MAP2: variants seen among roughly 807,000 people sequenced by gnomAD.
MAP2 encodes microtubule associated protein 2, also known as microtubule-associated protein 2.
MAP2 carries 14 observed loss-of-function variants against 137.6 expected under a neutral mutation model. That is an observed-to-expected ratio of 0.10 (90% CI 0.07 to 0.16). The LOEUF is 0.16. Among genes scored for constraint, MAP2 ranks in the 10% least tolerant of loss-of-function variants. The pLI is 1.00. For synonymous variants in MAP2, 786 were observed against 782.3 expected (o/e 1.00, Z -0.08); for missense variants, 2,088 against 2,191.5 (o/e 0.95, Z 0.94).
intron 4 of MAP2, among the ~76,000 whole-genome samples, chr2:209,626,823 G>A (rs972898312): frequency 3.3e-5 from 5 of 152,034 alleles, no homozygotes; most frequent in African/African-American, 9.7e-5. Context: ...TAATCTTCTG[G>A]TGCCTAGTAT....
Position 209,678,574 on chromosome 2 carries a change from G to T in MAP2, c.265G>T (p.Glu89Ter). ...LTSADRETAE[E>*]VSARIVQVVT... is the part of the protein sequence containing the mutation. Reference sequence around the variant, plus strand: ...TATTTTGTTACTGTTTATTACAGAGGAGGTGTCTGCAAGGATAGTTCAAGT... The same window carrying T: ...TATTTTGTTACTGTTTATTACAGAGTAGGTGTCTGCAAGGATAGTTCAAGT... The change falls in exon 6 of 16, where the codon GAG (glutamate) becomes TAG (stop). Residue 89 changes from glutamate (E) to a stop codon, truncating the protein, a stop_gained and splice_region_variant. Transcript: ENST00000682079. LOFTEE classifies it high-confidence loss of function. 1 of 1,513,192 alleles carries T rather than the reference G, an allele frequency of 6.6e-7. No homozygotes were observed. The highest frequency in any genetic ancestry group is 9.0e-7 in the Non-Finnish European group (1 of 1,110,416). 93.7% of individuals were successfully genotyped at this position (1,513,192 alleles called of 1,614,324 possible). A position where few individuals can be genotyped will look rare whatever the true frequency, so the allele number is the denominator to read the frequency against.
At chr2:209,651,201 T>G (rs1245887888) in intron 4 of MAP2, among the ~76,000 whole-genome samples, 1 of 152,080 alleles carries the variant, frequency 6.6e-6, no homozygotes, top group African/African-American at 2.4e-5. Context: ...CAGAATGGTT[T>G]TTATAAAAAG....
chr2:209,579,186 T>A (rs930117225), intron 2 of MAP2: 1 of 152,136 alleles, frequency 6.6e-6, no homozygotes, highest in African/African-American at 2.4e-5. Flanking sequence ...TAGTATTTAG[T>A]CATGTCCAGT....
In MAP2 at chr2:209,668,691, C is replaced by T. The variant is rs1473513177; in HGVS notation, c.263-9881C>T. The stretch of plus-strand genomic sequence containing the variant: ...TTTGCAAAGTCTGTTGATTTTGCTA[C>T]GTACAGGTCTGGCAAAAAGTATTTT... On this transcript the variant is annotated intron_variant, in intron 5 of 15. Transcript: ENST00000682079. Among the ~76,000 whole-genome samples, 5 of 152,086 alleles carry T rather than the reference C, an allele frequency of 3.3e-5. No homozygotes were observed. In the East Asian group the frequency reaches 5.8e-4, roughly 18 times the overall value.
At chr2:209,527,518 A>G (rs2150498509) in intron 2 of MAP2, among the ~76,000 whole-genome samples, 1 of 152,156 alleles carries the variant, frequency 6.6e-6, no homozygotes. Flanking sequence ...TTCTCACCAC[A>G]TCCCACAATT....
At chr2:209,445,356 C>T (rs1559170687) in intron 1 of MAP2, among the ~76,000 whole-genome samples, 1 of 151,642 alleles carries the variant, frequency 6.6e-6, no homozygotes, top group African/African-American at 2.4e-5. Context: ...AAGTGAATAT[C>T]ACTGAAAGCA....
At chr2:209,526,519 A>T (rs1230475131) in intron 2 of MAP2, among the ~76,000 whole-genome samples, 1 of 148,668 alleles carries the variant, frequency 6.7e-6, no homozygotes, top group Non-Finnish European at 1.5e-5. Context: ...TTTTTTTTTT[A>T]AAGAGCACTC....
chr2:209,586,729 G>A (rs1366785102), intron 3 of MAP2, among the ~76,000 whole-genome samples: 1 of 152,272 alleles, frequency 6.6e-6, no homozygotes, highest in East Asian at 1.9e-4. Flanking sequence ...CTAAAGAGGG[G>A]CCTGAGATTC....
At position 209,675,065 on chromosome 2, in the gene MAP2, A is replaced by G. The variant is rs768303059; in HGVS notation, c.263-3507A>G. On this transcript the variant is annotated intron_variant, in intron 5 of 15. Transcript: ENST00000682079. ...TCCCTAAATTCACTGTGAACTCTAT[A>G]TTATAAAATGTGACATGCCCTATTT... 1.8e-4 allele frequency among the ~76,000 whole-genome samples: 27 copies of G among 151,990 alleles called. 1 individual carries two copies. The highest frequency in any genetic ancestry group is 3.4e-3 in the Middle Eastern group (1 of 294).
chr2:209,448,793 A>T (rs1699683273), intron 1 of MAP2, among the ~76,000 whole-genome samples: 1 of 152,216 alleles, frequency 6.6e-6, no homozygotes, highest in African/African-American at 2.4e-5. Context: ...CAGGGTCTCT[A>T]CATCTCAAGA....
chr2:209,536,600 C>T (rs2065981457), intron 2 of MAP2, among the ~76,000 whole-genome samples: 1 of 152,072 alleles, frequency 6.6e-6, no homozygotes, highest in South Asian at 2.1e-4. Context: ...TCACATGGTT[C>T]CAGAGTCCGG....
chr2:209,570,914 A>G (rs536677638), intron 2 of MAP2, among the ~76,000 whole-genome samples: 1 of 151,784 alleles, frequency 6.6e-6, no homozygotes, highest in Non-Finnish European at 1.5e-5. Context: ...GTAGTTCTGT[A>G]AGGGCTGCTT....
At chr2:209,656,100 CA>C (rs1427610862) in intron 5 of MAP2, among the ~76,000 whole-genome samples, 1 of 152,152 alleles carries the variant, frequency 6.6e-6, no homozygotes, top group African/African-American at 2.4e-5. Context: ...TCCACTCCTT[CA>C]ATGTTCATCT....
intron 2 of MAP2, among the ~76,000 whole-genome samples, chr2:209,545,634 C>T (rs529169377): frequency 1.3e-5 from 2 of 152,168 alleles, no homozygotes; most frequent in East Asian, 3.9e-4. Flanking sequence ...CAAAATAAAA[C>T]CTACCTTATT....
At chr2:209,438,890 A>G (rs970405746) in intron 1 of MAP2, among the ~76,000 whole-genome samples, 1 of 151,226 alleles carries the variant, frequency 6.6e-6, no homozygotes, top group African/African-American at 2.4e-5. Context: ...TTGGATAACT[A>G]CATTATATTA....
intron 2 of MAP2, among the ~76,000 whole-genome samples, chr2:209,566,506 G>A (rs146850825): frequency 4.6e-5 from 7 of 152,218 alleles, no homozygotes; most frequent in African/African-American, 1.7e-4. Context: ...AACTCTATTT[G>A]TTTCCAAAGC....
At chr2:209,499,270 T>C (rs192657624) in intron 1 of MAP2, among the ~76,000 whole-genome samples, 5 of 152,302 alleles carry the variant, frequency 3.3e-5, no homozygotes, top group African/African-American at 1.2e-4. Context: ...AGCCAAGCTC[T>C]TTGCTAACAC....
chr2:209,604,036 G>C (rs748434534), intron 3 of MAP2, among the ~76,000 whole-genome samples: 7 of 152,076 alleles, frequency 4.6e-5, no homozygotes, highest in African/African-American at 7.2e-5. Context: ...GGAGGATTTT[G>C]TTTTGCATCC....
intron 5 of MAP2, among the ~76,000 whole-genome samples, chr2:209,674,621 A>G (rs755093029): frequency 6.0e-5 from 9 of 150,594 alleles, no homozygotes; most frequent in Non-Finnish European, 1.0e-4. Context: ...ATATATAGAT[A>G]GATGGATGGA....
Sources: gnomAD v4.1 joint callset for allele counts (sites outside exome capture counted in the v4.1 genomes callset) on GRCh38, gnomAD v4.1.1 for gene constraint, MANE v1.5 for transcripts, NCBI Gene and HGNC (gene_info 2026-07-23, HGNC 2026-07-21) for gene names.